IRAG2: variants seen among roughly 807,000 people sequenced by gnomAD.
IRAG2 encodes lymphoid restricted membrane protein.
Under a neutral mutation model 69.9 loss-of-function variants are expected in IRAG2, and 45 were observed. The observed-to-expected ratio is 0.64, with a 90% CI of 0.51 to 0.83. The LOEUF (loss-of-function observed/expected upper bound fraction) is 0.83, where lower values mean the gene tolerates loss of function less well. IRAG2 is among the 40% of genes least tolerant of loss of function. The pLI, the probability that IRAG2 is intolerant of heterozygous loss-of-function variation, is 0.00. For missense variants in IRAG2, 520 were observed against 587.0 expected (o/e 0.89, Z 1.18); for synonymous variants, 193 against 202.4 (o/e 0.95, Z 0.40).
intron 1 of IRAG2, among the ~76,000 whole-genome samples, chr12:25,055,379 C>T (rs972551184): frequency 3.3e-5 from 5 of 152,334 alleles, no homozygotes; most frequent in South Asian, 4.1e-4. Flanking sequence ...TTTATTTCTT[C>T]TGCATCTAAA....
At chr12:25,039,709 C>T (rs577600084) in intron 16 of IRAG2, among the ~76,000 whole-genome samples, 42 of 152,290 alleles carry the variant, frequency 2.8e-4, no homozygotes, top group East Asian at 1.2e-3. Flanking sequence ...GGATTACAGG[C>T]GTGAGCCACC....
Position 25,088,258 on chromosome 12 carries a change from T to A in IRAG2, c.373+101T>A, listed in dbSNP as rs759662172. 4.3e-6 allele frequency: 4 copies of A among 929,272 alleles called. No individual in the cohort carries two copies. The Admixed American group carries it at 7.9e-5, about 18-fold the overall frequency. The allele number at this position is 929,272 out of a possible 1,614,324, so 57.6% of individuals were successfully genotyped here. A position where few individuals can be genotyped will look rare whatever the true frequency, so the allele number is the denominator to read the frequency against. ...ATAAAGCTATGTCACTTACAAATTC[T>A]GCATCTCTGGATAAGGTCAGTCAAT... On this transcript the variant is annotated intron_variant, in intron 11 of 21. Transcript: ENST00000556887.
At chr12:25,011,353 G>T (rs1046290458) in exon 3 of IRAG2, 1 of 1,231,640 alleles carries the variant, frequency 8.1e-7, no homozygotes, top group Non-Finnish European at 1.0e-6. Flanking sequence ...GAACTGATCT[G>T]CTCTTCTTTT....
chr12:25,057,020 C>T (rs531790311), intron 1 of IRAG2, among the ~76,000 whole-genome samples: 1 of 152,264 alleles, frequency 6.6e-6, no homozygotes, highest in African/African-American at 2.4e-5. Flanking sequence ...CTCGCTGCCT[C>T]TATCTACATT....
intron 11 of IRAG2, 26 bp downstream of exon 11, chr12:25,088,183 A>G: frequency 6.3e-7 from 1 of 1,585,624 alleles, no homozygotes; most frequent in East Asian, 2.2e-5. Context: ...TTCAATCCCC[A>G]TGTGAACTTT....
chr12:25,003,517 A>T (rs1944408123), upstream of IRAG2, among the ~76,000 whole-genome samples: 1 of 151,796 alleles, frequency 6.6e-6, no homozygotes, highest in South Asian at 2.1e-4. Flanking sequence ...AGCCTAGATT[A>T]TTTTAAATCT....
At position 25,087,125 on chromosome 12, in the gene IRAG2, T is replaced by A. The variant is rs146001001; in HGVS notation, c.316-975T>A. Among the ~76,000 whole-genome samples, 631 of 149,974 alleles carry A rather than the reference T, an allele frequency of 4.2e-3. 4 individuals are homozygous for A. Among genetic ancestry groups the A allele is most frequent in the African/African-American group, 0.014 (562 of 40,856 alleles). On this transcript the variant is annotated intron_variant, in intron 10 of 21. Transcript: ENST00000556887. ...CTGCAGAAATTCCATGCTACTCAAGTCATGGTGTCATGGTGCCACTCTCCT... is the reference window on the plus strand; with the variant it reads ...CTGCAGAAATTCCATGCTACTCAAGACATGGTGTCATGGTGCCACTCTCCT...
chr12:25,031,072 C>T (rs16928352), intron 10 of IRAG2: 25,679 of 984,996 alleles, frequency 0.026, 376 homozygotes, highest in East Asian at 0.088. Context: ...CAGCCTCAGT[C>T]AATAATCTTC....
At chr12:25,043,881 G>A (rs1431369665) in intron 16 of IRAG2, among the ~76,000 whole-genome samples, 2 of 152,030 alleles carry the variant, frequency 1.3e-5, no homozygotes, top group Non-Finnish European at 2.9e-5. Flanking sequence ...CTCCAGAAAC[G>A]GACCCTAATG....
chr12:25,001,951 A>G (rs936707556), upstream of IRAG2, among the ~76,000 whole-genome samples: 3 of 151,926 alleles, frequency 2.0e-5, no homozygotes, highest in Non-Finnish European at 4.4e-5. Flanking sequence ...TTGTATTTTT[A>G]GTAGAGACGG....
At chr12:25,075,218 G>A (rs10743536) in intron 6 of IRAG2, among the ~76,000 whole-genome samples, 68,406 of 151,962 alleles carry the variant, frequency 0.45, 16,047 homozygotes, top group East Asian at 0.77. Context: ...TTAAACAGAC[G>A]CTGAGTCAAG....
chr12:25,094,548 G>A (rs1948291976), intron 14 of IRAG2, among the ~76,000 whole-genome samples: 1 of 152,018 alleles, frequency 6.6e-6, no homozygotes, highest in African/African-American at 2.4e-5. Context: ...TTGGCTATTA[G>A]GGTCCCTTTA....
intron 16 of IRAG2, among the ~76,000 whole-genome samples, chr12:25,040,730 T>G (rs1466644945): frequency 6.6e-6 from 1 of 152,070 alleles, no homozygotes; most frequent in African/African-American, 2.4e-5. Flanking sequence ...AAGAGAGGCA[T>G]GGACAGGAAA....
At chr12:25,090,821 A>G (rs556339899) in intron 14 of IRAG2, 8 of 453,888 alleles carry the variant, frequency 1.8e-5, no homozygotes, top group African/African-American at 1.6e-4. Context: ...TTCAGGCAGA[A>G]AAGGAATCAT....
intron 1 of IRAG2, among the ~76,000 whole-genome samples, chr12:25,056,921 G>C (rs1175091950): frequency 1.3e-5 from 2 of 152,122 alleles, no homozygotes; most frequent in East Asian, 3.9e-4. Context: ...GGGTTCTACA[G>C]GGCTCTGGAC....
upstream of IRAG2, chr12:25,004,286 T>C (rs1432036519): frequency 5.3e-6 from 6 of 1,127,356 alleles, no homozygotes; most frequent in Admixed American, 8.5e-5. Context: ...TAAACATGTA[T>C]CTACTTTTGC....
chr12:25,017,018 T>TAAA, intron 5 of IRAG2: 21 of 597,584 alleles, frequency 3.5e-5, no homozygotes, highest in South Asian at 8.9e-5. Context: ...AGGGTAAAGT[T>TAAA]AAAAAAAAAA....
chr12:25,101,985 AT>A (rs1565590505), intron 16 of IRAG2: 12 of 680,698 alleles, frequency 1.8e-5, no homozygotes, highest in Non-Finnish European at 3.2e-5. Context: ...CATTATGGAC[AT>A]CACAGTGACA....
At chr12:25,044,547 A>G (rs1424260571) in intron 16 of IRAG2, among the ~76,000 whole-genome samples, 1 of 152,198 alleles carries the variant, frequency 6.6e-6, no homozygotes, top group African/African-American at 2.4e-5. Context: ...TTTAGATTTA[A>G]GTACATACAT....
Sources: gnomAD v4.1 joint callset for allele counts (sites outside exome capture counted in the v4.1 genomes callset) on GRCh38, gnomAD v4.1.1 for gene constraint, MANE v1.5 for transcripts, NCBI Gene and HGNC (gene_info 2026-07-23, HGNC 2026-07-21) for gene names.